Variants in SATL1 observed in about 807,000 individuals in gnomAD.
SATL1 encodes the protein spermidine/spermine N(1)-acetyltransferase-like protein 1.
SATL1 carries 47 observed loss-of-function variants against 51.8 expected under a neutral mutation model. The ratio of observed to expected loss-of-function variants is 0.91; its 90% CI spans 0.72 to 1.16. The LOEUF (loss-of-function observed/expected upper bound fraction) is 1.16, where lower values mean the gene tolerates loss of function less well. SATL1 is among the 50% of genes most tolerant of loss of function. SATL1 has a pLI of 0.00. For missense variants in SATL1, 520 were observed against 526.4 expected (o/e 0.99, Z 0.12); for synonymous variants, 176 against 182.4 (o/e 0.97, Z 0.28).
chrX:85,115,299 C>T (rs1925358036), intron 2 of SATL1, among the ~76,000 whole-genome samples: 1 of 112,498 alleles, frequency 8.9e-6, no homozygotes, highest in Non-Finnish European at 1.9e-5. Flanking sequence ...GTGAGTTCCT[C>T]AAAGGGCAAC....
At chrX:85,151,002 AT>A (rs1926416987) in intron 2 of SATL1, among the ~76,000 whole-genome samples, 1 of 111,070 alleles carries the variant, frequency 9.0e-6, no homozygotes, top group South Asian at 3.9e-4. Context: ...AGGGCATTCA[AT>A]TAGGAAAAGA....
At chrX:85,164,706 A>G (rs1047795000) in intron 2 of SATL1, among the ~76,000 whole-genome samples, 2 of 104,158 alleles carry the variant, frequency 1.9e-5, no homozygotes, top group Non-Finnish European at 2.0e-5. Flanking sequence ...CCTAATGACT[A>G]TGTGCCTAGG....
At position 85,107,511 on chromosome X, in the gene SATL1, C is replaced by T. The variant is rs780858954; in HGVS notation, c.1458G>A (p.Pro486=). The change falls in exon 3 of 8, where the codon CCG becomes CCA. Residue 486 remains proline (P), a synonymous_variant. Transcript: ENST00000644105. The part of the protein sequence containing the change: ...RGQPGIWEPG[P]SQPGLSQQDL... The stretch of plus-strand genomic sequence containing the variant: ...CTTGTTGGCTCAGGCCTGGCTGACT[C>T]GGCCCCGGTTCCCATATGCCTGGTT... 11 of 1,210,741 alleles carry T rather than the reference C, an allele frequency of 9.1e-6. No homozygotes were observed. Among genetic ancestry groups the T allele is most frequent in the African/African-American group, 8.7e-5 (5 of 57,373 alleles).
intron 2 of SATL1, among the ~76,000 whole-genome samples, chrX:85,152,023 A>G (rs957697152): frequency 5.5e-5 from 6 of 109,925 alleles, no homozygotes; most frequent in African/African-American, 2.0e-4. Context: ...ATCAGAGTGA[A>G]CAGGCAACCT....
intron 5 of SATL1, among the ~76,000 whole-genome samples, 159 bp from the exon 6 acceptor site, chrX:85,094,388 A>G (rs1403808649): frequency 8.9e-6 from 1 of 112,060 alleles, no homozygotes; most frequent in East Asian, 2.8e-4. Context: ...AGAGGACTTA[A>G]GTCCCTTAAA....
At chrX:85,096,266 A>G (rs1372034902) in intron 4 of SATL1, among the ~76,000 whole-genome samples, 1 of 111,441 alleles carries the variant, frequency 9.0e-6, no homozygotes, top group Non-Finnish European at 1.9e-5. Context: ...AAATGAAAAA[A>G]AAATGCACTG....
chrX:85,152,141 C>G (rs1424107201), intron 2 of SATL1, among the ~76,000 whole-genome samples: 2 of 111,675 alleles, frequency 1.8e-5, no homozygotes, highest in Non-Finnish European at 1.9e-5. Flanking sequence ...ACAATCCCAT[C>G]AAAATGTGGG....
chrX:85,229,980 G>A (rs960475092), intron 1 of SATL1, among the ~76,000 whole-genome samples: 2 of 111,407 alleles, frequency 1.8e-5, no homozygotes, highest in African/African-American at 6.5e-5. Flanking sequence ...ACTTAATATT[G>A]TTAAAATGTT....
In SATL1 at chrX:85,161,171, G is replaced by A. The variant is rs777905345; in HGVS notation, c.-312-51891C>T. On this transcript the variant is annotated intron_variant, in intron 2 of 7. Coordinates refer to ENST00000644105, the MANE Select transcript of SATL1 (RefSeq NM_001367857.2). ...AAAGAGTTCCTGAGGGAAGCAGTAA[G>A]TATAGAAAGGAAAGACCAGCCACTA... Among the ~76,000 whole-genome samples, 26 of 111,372 alleles carry A rather than the reference G, an allele frequency of 2.3e-4. No homozygotes were observed. The South Asian group carries it at 7.2e-3, about 31-fold the overall frequency.
chrX:85,147,645 C>A (rs764526148), intron 2 of SATL1, among the ~76,000 whole-genome samples: 1 of 111,730 alleles, frequency 9.0e-6, no homozygotes, highest in African/African-American at 3.3e-5. Flanking sequence ...AACGATCAGA[C>A]AGGAGCATTC....
At chrX:85,179,984 A>G (rs68017226) in intron 2 of SATL1, among the ~76,000 whole-genome samples, 13,686 of 109,812 alleles carry the variant, frequency 0.12, 2,046 homozygotes, top group African/African-American at 0.41. Context: ...TATGCTGGGT[A>G]CTTTATATAC....
At chrX:85,102,400 G>A (rs1924921341) in intron 4 of SATL1, among the ~76,000 whole-genome samples, 1 of 111,424 alleles carries the variant, frequency 9.0e-6, no homozygotes, top group African/African-American at 3.3e-5. Flanking sequence ...GCACAACAAT[G>A]GATGTATTGA....
intron 1 of SATL1, among the ~76,000 whole-genome samples, chrX:85,243,359 TC>T (rs1928686473): frequency 8.9e-6 from 1 of 112,312 alleles, no homozygotes; most frequent in Non-Finnish European, 1.9e-5. Flanking sequence ...CCAATGAATT[TC>T]TCACTGTCCT....
chrX:85,230,278 C>A (rs1482447196), intron 1 of SATL1, among the ~76,000 whole-genome samples: 1 of 111,522 alleles, frequency 9.0e-6, no homozygotes, highest in African/African-American at 3.2e-5. Context: ...GCATATACAA[C>A]CAATTGATCT....
At chrX:85,197,988 T>C (rs925125978) in intron 2 of SATL1, among the ~76,000 whole-genome samples, 2 of 110,822 alleles carry the variant, frequency 1.8e-5, no homozygotes, top group Non-Finnish European at 3.8e-5. Flanking sequence ...CTGCCACTAC[T>C]CTTCTCAGCC....
chrX:85,167,394 T>C (rs978479272), intron 2 of SATL1, among the ~76,000 whole-genome samples: 2 of 109,561 alleles, frequency 1.8e-5, no homozygotes, highest in African/African-American at 6.7e-5. Flanking sequence ...CCCAAAACTA[T>C]TGAAATAATA....
intron 2 of SATL1, among the ~76,000 whole-genome samples, chrX:85,118,935 CAT>C (rs765549245): frequency 9.0e-6 from 1 of 111,143 alleles, no homozygotes; most frequent in South Asian, 3.7e-4. Context: ...CAAATATTGG[CAT>C]ATATATATCA....
At chrX:85,107,026 A>T (rs189540290) in intron 3 of SATL1, among the ~76,000 whole-genome samples, 6 of 111,958 alleles carry the variant, frequency 5.4e-5, no homozygotes, top group Non-Finnish European at 9.4e-5. Context: ...AAGAGAACAC[A>T]TTCAGTCCCT....
At chrX:85,097,010 T>TA (rs1472214817) in intron 4 of SATL1, among the ~76,000 whole-genome samples, 1 of 111,983 alleles carries the variant, frequency 8.9e-6, no homozygotes, top group Non-Finnish European at 1.9e-5. Flanking sequence ...TAAAGACAGA[T>TA]ACATGAGCAA....
Sources: gnomAD v4.1 joint callset for allele counts (sites outside exome capture counted in the v4.1 genomes callset) on GRCh38, gnomAD v4.1.1 for gene constraint, MANE v1.5 for transcripts, NCBI Gene and HGNC (gene_info 2026-07-23, HGNC 2026-07-21) for gene names.